Variants in GYG1 observed in about 807,000 individuals in gnomAD.
GYG1 encodes glycogenin 1, also known as glycogenin-1.
Under a neutral mutation model 41.9 loss-of-function variants are expected in GYG1, and 44 were observed. That is an observed-to-expected ratio of 1.05 (90% CI 0.83 to 1.35). The LOEUF (loss-of-function observed/expected upper bound fraction) is 1.35. GYG1 is among the 40% of genes most tolerant of loss of function. The probability of loss-of-function intolerance (pLI) is 0.00; values close to 1 mark genes in which losing one functional copy is unlikely to be tolerated. For synonymous variants in GYG1, 141 were observed against 158.1 expected (o/e 0.89, Z 0.81); for missense variants, 429 against 418.9 (o/e 1.02, Z -0.21).
chr3:149,021,484 C>T (rs1714372578), intron 5 of GYG1, among the ~76,000 whole-genome samples: 1 of 152,132 alleles, frequency 6.6e-6, no homozygotes, highest in African/African-American at 2.4e-5. Flanking sequence ...GAGGAAAGAG[C>T]TTTACAAATA....
Position 148,991,570 on chromosome 3 carries a change from C to T in GYG1, c.-71C>T, listed in dbSNP as rs1487488474. ...GCCGTGCCTCCTCGCTGGCCGCGCT[C>T]CCTCCCGGTGCCGGCTTCTCTGAGT... On this transcript the variant is annotated 5_prime_UTR_variant, in exon 1 of 8. Transcript: ENST00000345003. 9.8e-6 allele frequency: 15 copies of T among 1,533,088 alleles called. No individual in the cohort carries two copies. Among genetic ancestry groups the T allele is most frequent in the Admixed American group, 3.9e-5 (2 of 51,550 alleles). 95.0% of individuals were successfully genotyped at this position (1,533,088 alleles called of 1,614,324 possible).
chr3:149,001,410 T>G (rs539247484), intron 4 of GYG1: 7 of 152,360 alleles, frequency 4.6e-5, no homozygotes, highest in African/African-American at 1.7e-4. Flanking sequence ...GCTATTGTTA[T>G]GTCACTGTAC....
At chr3:148,994,046 T>C (rs1416759142) in intron 1 of GYG1, 96 bp from the exon 2 acceptor site, 1 of 1,070,270 alleles carries the variant, frequency 9.3e-7, no homozygotes, top group Non-Finnish European at 1.4e-6. Flanking sequence ...TTAGAGGAAC[T>C]GGTTTTGCTG....
At chr3:148,998,638 C>T (rs756532743) in intron 4 of GYG1, among the ~76,000 whole-genome samples, 39 of 152,132 alleles carry the variant, frequency 2.6e-4, no homozygotes, top group Non-Finnish European at 4.9e-4. Context: ...AAATGTTCAC[C>T]GTGGTCAAGG....
intron 5 of GYG1, among the ~76,000 whole-genome samples, chr3:149,015,213 T>G (rs949188447): frequency 4.6e-5 from 7 of 152,128 alleles, no homozygotes; most frequent in Non-Finnish European, 1.0e-4. Context: ...AGGTTTTAGA[T>G]GTATGAAGTC....
chr3:149,020,923 G>GT (rs1162917767), intron 5 of GYG1, among the ~76,000 whole-genome samples: 1 of 152,158 alleles, frequency 6.6e-6, no homozygotes, highest in Admixed American at 6.5e-5. Flanking sequence ...CTCTGTTTCG[G>GT]TTTTAGGCTT....
chr3:148,995,310 GTTTA>G (rs1316930745), intron 2 of GYG1, among the ~76,000 whole-genome samples: 2 of 152,182 alleles, frequency 1.3e-5, no homozygotes, highest in Non-Finnish European at 2.9e-5. Context: ...TTTGTGATGT[GTTTA>G]TTTTTCTGGT....
chr3:149,021,275 G>A (rs1714360086), intron 5 of GYG1, among the ~76,000 whole-genome samples: 1 of 152,162 alleles, frequency 6.6e-6, no homozygotes, highest in Non-Finnish European at 1.5e-5. Flanking sequence ...ATGCATAATA[G>A]TTGTTATTTA....
chr3:149,015,341 T>C (rs986886155), intron 5 of GYG1, among the ~76,000 whole-genome samples: 9 of 152,188 alleles, frequency 5.9e-5, no homozygotes, highest in East Asian at 5.8e-4. Flanking sequence ...ATGATACTTA[T>C]AGTCACGAGA....
intron 2 of GYG1, among the ~76,000 whole-genome samples, chr3:148,995,472 T>C (rs1187001906): frequency 2.0e-5 from 3 of 152,190 alleles, no homozygotes; most frequent in Non-Finnish European, 4.4e-5. Flanking sequence ...TGTTCCTAAA[T>C]GGTAATTTAG....
chr3:149,006,558 T>C (rs1433421444), intron 4 of GYG1, among the ~76,000 whole-genome samples: 1 of 152,218 alleles, frequency 6.6e-6, no homozygotes, highest in African/African-American at 2.4e-5. Context: ...TTAAGATTCA[T>C]CCAGGTTATT....
intron 2 of GYG1, among the ~76,000 whole-genome samples, chr3:148,995,732 C>G (rs1312125381): frequency 6.6e-6 from 1 of 152,184 alleles, no homozygotes; most frequent in Non-Finnish European, 1.5e-5. Flanking sequence ...TATAAACTTT[C>G]AGTATGATAC....
intron 4 of GYG1, among the ~76,000 whole-genome samples, chr3:149,006,289 G>C (rs1360090192): frequency 2.0e-5 from 3 of 151,802 alleles, no homozygotes; most frequent in Non-Finnish European, 2.9e-5. Flanking sequence ...CACCATATTG[G>C]TCAGGCTGGT....
chr3:148,992,588 G>A (rs1407775173), intron 1 of GYG1: 1 of 152,120 alleles, frequency 6.6e-6, no homozygotes, highest in Non-Finnish European at 1.5e-5. Flanking sequence ...CTCCATGATC[G>A]CCTGGAACCT....
At chr3:149,012,347 G>A (rs1713780543) in intron 5 of GYG1, among the ~76,000 whole-genome samples, 2 of 152,162 alleles carry the variant, frequency 1.3e-5, no homozygotes, top group African/African-American at 4.8e-5. Flanking sequence ...AGCATGGGTG[G>A]TGGCAGGTGG....
In GYG1 at chr3:149,024,193, G is replaced by A. The variant is rs727502870; in HGVS notation, c.749G>A (p.Trp250Ter). 1.2e-6 allele frequency: 2 copies of A among 1,613,834 alleles called. No individual in the cohort carries two copies. Among genetic ancestry groups the A allele is most frequent in the Non-Finnish European group, 1.7e-6 (2 of 1,179,764 alleles). The change falls in exon 6 of 8, where the codon TGG becomes TAG. Residue 250 changes from tryptophan (W) to a stop codon, truncating the protein, a stop_gained. Coordinates refer to ENST00000345003, the MANE Select transcript of GYG1 (RefSeq NM_004130.4). LOFTEE classifies it high-confidence loss of function. ...MTHPEFLILWWNIFTTNVLPL... is the reference protein window; with the variant it reads ...MTHPEFLILW Reference sequence around the variant, plus strand: ...CATCCAGAGTTTCTCATCCTGTGGTGGAACATCTTTACCACCAACGTTTTA... The same window carrying A: ...CATCCAGAGTTTCTCATCCTGTGGTAGAACATCTTTACCACCAACGTTTTA...
rs1427302758 is a variant in GYG1 at position 149,029,220 on chromosome 3, T to C, written c.*2287T>C. Among the ~76,000 whole-genome samples, 1 of 152,226 alleles carries C rather than the reference T, an allele frequency of 6.6e-6. No homozygotes were observed. The highest frequency in any genetic ancestry group is 1.5e-5 in the Non-Finnish European group (1 of 68,040). The stretch of plus-strand genomic sequence containing the variant: ...TTTTCCATGTAAAGCTATACAAATA[T>C]TGGAAAATCTTTTCTAGGGAGTCCA... On this transcript the variant is annotated 3_prime_UTR_variant, in exon 8 of 8. Transcript: ENST00000345003.
chr3:149,013,729 C>T (rs1713864248), intron 5 of GYG1, among the ~76,000 whole-genome samples: 1 of 152,194 alleles, frequency 6.6e-6, no homozygotes, highest in South Asian at 2.1e-4. Flanking sequence ...ATTAAACCTT[C>T]AGTGTTGTGA....
chr3:149,001,273 G>A (rs976440048), intron 4 of GYG1: 1 of 152,154 alleles, frequency 6.6e-6, no homozygotes, highest in African/African-American at 2.4e-5. Context: ...AGTTGTTTTG[G>A]AAATGACTGT....
Sources: allele counts gnomAD v4.1 joint callset (sites outside exome capture counted in the v4.1 genomes callset), GRCh38; gene constraint gnomAD v4.1.1; transcripts MANE v1.5; gene names NCBI Gene and HGNC (gene_info 2026-07-23, HGNC 2026-07-21).